SLC22A23: variants seen among roughly 807,000 people sequenced by gnomAD.
The protein encoded by SLC22A23 is solute carrier family 22 member 23.
A neutral mutation model predicts 61.0 loss-of-function variants in SLC22A23; 26 were observed. The ratio of observed to expected loss-of-function variants is 0.43; its 90% CI spans 0.31 to 0.59. The LOEUF (loss-of-function observed/expected upper bound fraction) is 0.59, where lower values mean the gene tolerates loss of function less well. SLC22A23 is among the 20% of genes least tolerant of loss of function. The pLI is 0.11. For synonymous variants in SLC22A23, 430 were observed against 413.9 expected (o/e 1.04, Z -0.47); for missense variants, 796 against 934.7 (o/e 0.85, Z 1.94).
intron 3 of SLC22A23, among the ~76,000 whole-genome samples, chr6:3,409,259 T>C (rs969552456): frequency 6.6e-6 from 1 of 152,244 alleles, no homozygotes; most frequent in African/African-American, 2.4e-5. Flanking sequence ...AATATACCGG[T>C]AGCCTTTTTC....
In SLC22A23 at chr6:3,427,536, T is replaced by C. The variant is rs541419319; in HGVS notation, c.655-11681A>G. 1.1e-4 allele frequency among the ~76,000 whole-genome samples: 16 copies of C among 152,194 alleles called. No individual in the cohort carries two copies. Among genetic ancestry groups the C allele is most frequent in the African/African-American group, 3.1e-4 (13 of 41,532 alleles). ...GCCCTCCAGGGAGCAGCTGTGTTCA[T>C]AGCTGGGAGATGCTGAAGGAGGAGC... is the stretch of plus-strand genomic sequence containing the variant. On this transcript the variant is annotated intron_variant, in intron 1 of 9. Transcript: ENST00000406686. The surrounding 1 kb of genome is among the most constrained non-coding windows in gnomAD (Gnocchi z 4.3).
chr6:3,276,378 C>T (rs1198087970), intron 9 of SLC22A23, among the ~76,000 whole-genome samples: 1 of 152,244 alleles, frequency 6.6e-6, no homozygotes, highest in African/African-American at 2.4e-5. Context: ...GCCTCCACTC[C>T]AGGCCGCCTG....
At chr6:3,321,386 G>A (rs1229686477) in intron 4 of SLC22A23, among the ~76,000 whole-genome samples, 1 of 151,390 alleles carries the variant, frequency 6.6e-6, no homozygotes, top group Non-Finnish European at 1.5e-5. Context: ...GCACACACAT[G>A]CACACACGTA....
Position 3,333,735 on chromosome 6 carries a change from G to A in SLC22A23, c.914-9733C>T, listed in dbSNP as rs527466412. Among the ~76,000 whole-genome samples the A allele has an allele frequency of 6.6e-6, 1 of 152,278 alleles. No homozygotes were observed. Among genetic ancestry groups the A allele is most frequent in the South Asian group, 2.1e-4 (1 of 4,822 alleles). On this transcript the variant is annotated intron_variant, in intron 3 of 9. Coordinates refer to ENST00000406686, the MANE Select transcript of SLC22A23 (RefSeq NM_015482.2). The surrounding 1 kb of genome is among the most constrained non-coding windows in gnomAD (Gnocchi z 4.1). Reference sequence around the variant, plus strand: ...TCCCCGACAGTGGTTTGCAAGTGTGGCCCCAGACCTGCAGCAGCAGCCTCA... The same window carrying A: ...TCCCCGACAGTGGTTTGCAAGTGTGACCCCAGACCTGCAGCAGCAGCCTCA...
intron 3 of SLC22A23, among the ~76,000 whole-genome samples, chr6:3,352,378 C>A (rs763320670): frequency 6.6e-6 from 1 of 151,994 alleles, no homozygotes; most frequent in African/African-American, 2.4e-5. Flanking sequence ...CAGACATGCA[C>A]AGACACACTC....
rs1763387542 is a variant in SLC22A23, at chr6:3,328,259, A to G, written c.914-4257T>C. Among the ~76,000 whole-genome samples, 1 of 151,990 alleles carries G rather than the reference A, an allele frequency of 6.6e-6. No individual in the cohort carries two copies. Among genetic ancestry groups the G allele is most frequent in the Admixed American group, 6.6e-5 (1 of 15,236 alleles). On this transcript the variant is annotated intron_variant, in intron 3 of 9. Coordinates refer to ENST00000406686, the MANE Select transcript of SLC22A23 (RefSeq NM_015482.2). The surrounding 1 kb of genome is among the most constrained non-coding windows in gnomAD (Gnocchi z 5.0). Reference sequence around the variant, plus strand: ...ACTGAGGCATTTGTTTAGTGAATCAACAGGGACCATGACTAAGTCTGAGCA... The same window carrying G: ...ACTGAGGCATTTGTTTAGTGAATCAGCAGGGACCATGACTAAGTCTGAGCA...
At position 3,280,512 on chromosome 6, in the gene SLC22A23, T is replaced by TTTCC. The variant is rs781526188; in HGVS notation, c.1703+3339_1703+3340insGGAA. Among the ~76,000 whole-genome samples, 468 of 98,272 alleles carry TTTCC rather than the reference T, an allele frequency of 4.8e-3. 49 individuals carry two copies. Among genetic ancestry groups the TTTCC allele is most frequent in the East Asian group, 0.028 (101 of 3,650 alleles). The allele number at this position is 98,272 out of a possible 152,430, so 64.5% of individuals were successfully genotyped here. ...CAACTTTTTTTTTTTTTTTTTTTTT[T>TTTCC]TGAGATGGAGTCTCGCTCTGTCGCC... On this transcript the variant is annotated intron_variant, in intron 9 of 9. Transcript: ENST00000406686.
At chr6:3,282,372 C>T in intron 9 of SLC22A23, 1 of 696,918 alleles carries the variant, frequency 1.4e-6, no homozygotes, top group Non-Finnish European at 2.6e-6. Flanking sequence ...CATACAATGC[C>T]TTGGCATTTC....
chr6:3,286,588 T>C lies in SLC22A23; in HGVS notation c.1546+271A>G, dbSNP rs1351634820. Among the ~76,000 whole-genome samples, 2 of 152,174 alleles carry C rather than the reference T, an allele frequency of 1.3e-5. No individual in the cohort carries two copies. Among genetic ancestry groups the C allele is most frequent in the Non-Finnish European group, 1.5e-5 (1 of 68,040 alleles). On this transcript the variant is annotated intron_variant, in intron 7 of 9. Coordinates refer to ENST00000406686, the MANE Select transcript of SLC22A23 (RefSeq NM_015482.2). The surrounding 1 kb of genome is among the most constrained non-coding windows in gnomAD (Gnocchi z 4.2). ...TGTGATGAATCACACAGAAGCAGTC[T>C]ACCTATTAGCAAAGACTGGGCCACC...
Position 3,411,168 on chromosome 6 carries a change from C to G in SLC22A23, c.759-826G>C, listed in dbSNP as rs897081907. Among the ~76,000 whole-genome samples the G allele has an allele frequency of 8.5e-5, 13 of 152,288 alleles. No homozygotes were observed. The East Asian group carries it at 2.3e-3, about 27-fold the overall frequency. On this transcript the variant is annotated intron_variant, in intron 2 of 9. Coordinates refer to ENST00000406686, the MANE Select transcript of SLC22A23 (RefSeq NM_015482.2). ...GGGAAGTCACCAGTTCCTGTGGCCC[C>G]ATGCTAACTTTCCATCTTTCCTTGA...
At chr6:3,287,777 T>G (rs1327873776) in intron 6 of SLC22A23, among the ~76,000 whole-genome samples, 3 of 150,772 alleles carry the variant, frequency 2.0e-5, no homozygotes, top group African/African-American at 7.3e-5. Context: ...TCCCCCTCCC[T>G]GGTTCAAGTG....
chr6:3,316,538 C>A (rs1420428612), intron 4 of SLC22A23, among the ~76,000 whole-genome samples: 1 of 152,236 alleles, frequency 6.6e-6, no homozygotes, highest in Non-Finnish European at 1.5e-5. Flanking sequence ...ACACCTCCAC[C>A]CCTAGAAAAC....
intron 1 of SLC22A23, among the ~76,000 whole-genome samples, chr6:3,417,169 G>A (rs1554156990): frequency 6.6e-6 from 1 of 152,136 alleles, no homozygotes; most frequent in Non-Finnish European, 1.5e-5. Flanking sequence ...AAAGGTGCCT[G>A]GCTGGGATAA....
intron 3 of SLC22A23, among the ~76,000 whole-genome samples, chr6:3,409,965 C>A (rs1351023270): frequency 6.6e-6 from 1 of 152,186 alleles, no homozygotes; most frequent in Non-Finnish European, 1.5e-5. Context: ...CTCCCGTGTC[C>A]TTTGATGTGC....
At chr6:3,347,277 C>CA (rs921676905) in intron 3 of SLC22A23, among the ~76,000 whole-genome samples, 1 of 152,180 alleles carries the variant, frequency 6.6e-6, no homozygotes, top group African/African-American at 2.4e-5. Flanking sequence ...ATCTGTCCCC[C>CA]CAACTGGACC....
At chr6:3,378,432 T>C (rs1185172061) in intron 3 of SLC22A23, among the ~76,000 whole-genome samples, 1 of 152,198 alleles carries the variant, frequency 6.6e-6, no homozygotes, top group Non-Finnish European at 1.5e-5. Context: ...CGACCATTGC[T>C]GCTGTTGCTA....
intron 3 of SLC22A23, among the ~76,000 whole-genome samples, chr6:3,391,872 A>AG (rs1270066878): frequency 2.0e-5 from 3 of 152,124 alleles, no homozygotes; most frequent in Non-Finnish European, 4.4e-5. Flanking sequence ...AGAGGTCTGG[A>AG]GGGGAGCATT....
chr6:3,438,653 C>T, intron 1 of SLC22A23: 1 of 397,028 alleles, frequency 2.5e-6, no homozygotes, highest in South Asian at 1.9e-5. Context: ...ACAAACGTTT[C>T]CTTTTCTAGT....
chr6:3,348,146 A>G (rs545886469), intron 3 of SLC22A23, among the ~76,000 whole-genome samples: 7 of 152,278 alleles, frequency 4.6e-5, no homozygotes, highest in African/African-American at 1.7e-4. Flanking sequence ...GGAAAGAGAC[A>G]TTCTTTTTGT....
Sources: allele counts gnomAD v4.1 joint callset (sites outside exome capture counted in the v4.1 genomes callset), GRCh38; gene constraint gnomAD v4.1.1; non-coding constraint Gnocchi (gnomAD v3.1); transcripts MANE v1.5; gene names NCBI Gene and HGNC (gene_info 2026-07-23, HGNC 2026-07-21).